Variants in AGBL4 observed in about 807,000 individuals in gnomAD.
AGBL4 encodes cytosolic carboxypeptidase 6.
In AGBL4, 58 loss-of-function variants were observed where a neutral mutation model predicts 66.4. That is an observed-to-expected ratio of 0.87 (90% CI 0.71 to 1.09). The LOEUF (loss-of-function observed/expected upper bound fraction) is 1.09. Among genes scored for constraint, AGBL4 ranks in the 50% least tolerant of loss-of-function variants. The pLI, the probability that AGBL4 is intolerant of heterozygous loss-of-function variation, is 0.00. For missense variants in AGBL4, 579 were observed against 631.0 expected (o/e 0.92, Z 0.88); for synonymous variants, 234 against 222.9 (o/e 1.05, Z -0.44).
intron 9 of AGBL4, among the ~76,000 whole-genome samples, chr1:48,605,663 C>T (rs1645144271): frequency 6.6e-6 from 1 of 152,218 alleles, no homozygotes; most frequent in South Asian, 2.1e-4. Flanking sequence ...ATAGGTCCAA[C>T]ATCTAGCGCA....
At chr1:49,291,196 C>T (rs1387547338) in intron 3 of AGBL4, among the ~76,000 whole-genome samples, 4 of 152,110 alleles carry the variant, frequency 2.6e-5, no homozygotes, top group African/African-American at 9.7e-5. Context: ...TAATTTAAAC[C>T]TTCTCTCAAG....
chr1:48,977,826 C>A (rs1166731118), intron 5 of AGBL4, among the ~76,000 whole-genome samples: 1 of 152,080 alleles, frequency 6.6e-6, no homozygotes, highest in Non-Finnish European at 1.5e-5. Context: ...ATCTGCGAAG[C>A]TTTTTAGTGC....
chr1:49,385,513 T>C (rs1018707890), intron 3 of AGBL4, among the ~76,000 whole-genome samples: 17 of 152,048 alleles, frequency 1.1e-4, no homozygotes, highest in African/African-American at 3.9e-4. Flanking sequence ...TTCCATTTAA[T>C]GAGAATTTTC....
rs1265421856 is a variant in AGBL4, at chr1:50,001,135, T to C, written c.34+22628A>G. ...CATGAAGTGATTATATATATGTCTG[T>C]ATATGTGGTATGACCACATGTGTAT... On this transcript the variant is annotated intron_variant, in intron 1 of 13. Coordinates refer to ENST00000371839, the MANE Select transcript of AGBL4 (RefSeq NM_032785.4). Among the ~76,000 whole-genome samples, 3 of 151,612 alleles carry C rather than the reference T, an allele frequency of 2.0e-5. No individual in the cohort carries two copies. In the East Asian group the frequency reaches 5.8e-4, roughly 29 times the overall value.
At chr1:49,938,605 T>A (rs899828809) in intron 1 of AGBL4, among the ~76,000 whole-genome samples, 1 of 152,154 alleles carries the variant, frequency 6.6e-6, no homozygotes, top group South Asian at 2.1e-4. Context: ...AATAAAATAC[T>A]GGCAAACCGA....
At chr1:49,129,159 T>C (rs962205969) in intron 4 of AGBL4, among the ~76,000 whole-genome samples, 2 of 152,014 alleles carry the variant, frequency 1.3e-5, no homozygotes, top group African/African-American at 4.8e-5. Context: ...TGAATACTAC[T>C]ACATACCCAC....
At chr1:49,906,048 C>A (rs1650242132) in intron 1 of AGBL4, among the ~76,000 whole-genome samples, 1 of 151,006 alleles carries the variant, frequency 6.6e-6, no homozygotes, top group Admixed American at 6.6e-5. Flanking sequence ...ATTATGTAGC[C>A]ATTGTTGCTA....
intron 4 of AGBL4, among the ~76,000 whole-genome samples, chr1:49,068,052 T>C (rs914671531): frequency 6.6e-6 from 1 of 152,038 alleles, no homozygotes; most frequent in African/African-American, 2.4e-5. Context: ...CCTGGTACAA[T>C]GTGTGCATTA....
intron 4 of AGBL4, among the ~76,000 whole-genome samples, chr1:49,093,578 C>T (rs1194450539): frequency 1.3e-5 from 2 of 152,212 alleles, no homozygotes; most frequent in South Asian, 2.1e-4. Flanking sequence ...GGTAACTATG[C>T]TAAAAATTAT....
At chr1:48,935,138 T>A (rs1655344297) in intron 5 of AGBL4, among the ~76,000 whole-genome samples, 1 of 152,210 alleles carries the variant, frequency 6.6e-6, no homozygotes, top group South Asian at 2.1e-4. Context: ...TAGATTCAAA[T>A]CCACTTTCCA....
At chr1:48,776,660 G>T (rs1172991958) in intron 6 of AGBL4, 1 of 1,494,240 alleles carries the variant, frequency 6.7e-7, no homozygotes. Flanking sequence ...CAGTCGCGGG[G>T]GGCGCGCGGG....
intron 3 of AGBL4, among the ~76,000 whole-genome samples, chr1:49,306,892 A>T (rs976628735): frequency 5.3e-5 from 8 of 152,170 alleles, no homozygotes; most frequent in African/African-American, 1.7e-4. Context: ...TTATCATCAT[A>T]ATCTTGTACT....
At chr1:49,562,881 T>C (rs1644088233) in intron 3 of AGBL4, among the ~76,000 whole-genome samples, 1 of 150,672 alleles carries the variant, frequency 6.6e-6, no homozygotes, top group Admixed American at 6.6e-5. Flanking sequence ...TGGCATTGAA[T>C]CTATAAATTA....
intron 3 of AGBL4, among the ~76,000 whole-genome samples, chr1:49,490,999 G>A (rs929711771): frequency 6.6e-6 from 1 of 151,742 alleles, no homozygotes; most frequent in Admixed American, 6.6e-5. Flanking sequence ...CTTAGAGATA[G>A]GTAAAGTTTA....
At position 48,650,328 on chromosome 1, in the gene AGBL4, A is replaced by G. The variant is rs115840158; in HGVS notation, c.839+3009T>C. On this transcript the variant is annotated intron_variant, in intron 8 of 13. Transcript: ENST00000371839. ...GGGAGATGTTGAGAGAATGAAAGCT[A>G]AAGAGCATGAGAGAGAGGCAAAGAC... 2.1e-3 allele frequency among the ~76,000 whole-genome samples: 316 copies of G among 152,342 alleles called. 3 individuals are homozygous for G. The highest frequency in any genetic ancestry group is 3.1e-3 in the Non-Finnish European group (210 of 68,026).
At chr1:49,506,025 T>C (rs1474873730) in intron 3 of AGBL4, among the ~76,000 whole-genome samples, 1 of 152,054 alleles carries the variant, frequency 6.6e-6, no homozygotes, top group Non-Finnish European at 1.5e-5. Flanking sequence ...TCACTCATTG[T>C]ATTTTTCAAT....
At chr1:49,101,504 C>T (rs1645201601) in intron 4 of AGBL4, among the ~76,000 whole-genome samples, 1 of 152,052 alleles carries the variant, frequency 6.6e-6, no homozygotes, top group African/African-American at 2.4e-5. Flanking sequence ...TGTTTTAGTT[C>T]TAAACATCTA....
At position 49,851,595 on chromosome 1, in the gene AGBL4, C is replaced by A. The variant is rs1006593469; in HGVS notation, c.35-77G>T. On this transcript the variant is annotated intron_variant, in intron 1 of 13. Transcript: ENST00000371839. ...TAGTCAGATTTTTACTGTTAATTAC[C>A]CCTTCCCTAGTCACCAAGTGTTAAC... 5.6e-6 allele frequency: 8 copies of A among 1,432,926 alleles called. No individual in the cohort carries two copies. The African/African-American group carries it at 8.6e-5, about 15-fold the overall frequency. The allele number at this position is 1,432,926 out of a possible 1,614,324, so 88.8% of individuals were successfully genotyped here.
At chr1:49,965,530 G>T (rs1429192908) in intron 1 of AGBL4, among the ~76,000 whole-genome samples, 2 of 152,128 alleles carry the variant, frequency 1.3e-5, no homozygotes, top group Non-Finnish European at 1.5e-5. Context: ...AAACCTCCAA[G>T]CAAGTGAACA....
Sources: gnomAD v4.1 joint callset for allele counts (sites outside exome capture counted in the v4.1 genomes callset) on GRCh38, gnomAD v4.1.1 for gene constraint, MANE v1.5 for transcripts, NCBI Gene and HGNC (gene_info 2026-07-23, HGNC 2026-07-21) for gene names.